Variants in NKAIN2 observed in about 807,000 individuals in gnomAD.
NKAIN2 encodes sodium/potassium transporting ATPase interacting 2.
A neutral mutation model predicts 32.6 loss-of-function variants in NKAIN2; 14 were observed. The observed-to-expected ratio is 0.43, with a 90% CI of 0.28 to 0.67. The LOEUF is 0.67. Ranked by LOEUF, NKAIN2 falls within the 30% of genes least tolerant of loss-of-function variation. NKAIN2 has a pLI of 0.17. For missense variants in NKAIN2, 198 were observed against 258.3 expected (o/e 0.77, Z 1.60); for synonymous variants, 80 against 87.2 (o/e 0.92, Z 0.46).
At chr6:124,180,090 G>A (rs1185581065) in intron 1 of NKAIN2, among the ~76,000 whole-genome samples, 1 of 152,008 alleles carries the variant, frequency 6.6e-6, no homozygotes, top group Non-Finnish European at 1.5e-5. Flanking sequence ...AGGTAGGCAT[G>A]TAAGCAAATA....
intron 5 of NKAIN2, among the ~76,000 whole-genome samples, chr6:124,805,240 C>T (rs1398538262): frequency 2.6e-5 from 4 of 152,184 alleles, no homozygotes; most frequent in African/African-American, 7.2e-5. Flanking sequence ...GGAGGCACCC[C>T]CCAGTAGGGG....
intron 3 of NKAIN2, among the ~76,000 whole-genome samples, chr6:124,389,203 A>G (rs990490269): frequency 2.1e-4 from 32 of 152,182 alleles, no homozygotes; most frequent in African/African-American, 6.7e-4. Flanking sequence ...GACTTTATAC[A>G]CAACATTATT....
chr6:124,517,916 T>G (rs1305471232), intron 3 of NKAIN2, among the ~76,000 whole-genome samples: 1 of 152,124 alleles, frequency 6.6e-6, no homozygotes, highest in African/African-American at 2.4e-5. Flanking sequence ...TAACATTTGA[T>G]TTGAAGTAAT....
At chr6:123,962,918 C>T (rs769647978) in intron 1 of NKAIN2, among the ~76,000 whole-genome samples, 5 of 152,190 alleles carry the variant, frequency 3.3e-5, no homozygotes, top group Non-Finnish European at 7.3e-5. Context: ...TTTCCAGCCA[C>T]CTGCCACTCA....
intron 4 of NKAIN2, among the ~76,000 whole-genome samples, chr6:124,670,643 T>TTG (rs756145455): frequency 4.1e-4 from 42 of 102,268 alleles, no homozygotes; most frequent in South Asian, 3.9e-3. Context: ...AATCTTTGCT[T>TTG]TCTGTGTGTG....
chr6:123,976,352 TATATATATATATATATTCCC>T lies in NKAIN2; in HGVS notation c.54+172115_54+172134del, dbSNP rs1199752104. 9.3e-4 allele frequency among the ~76,000 whole-genome samples: 25 copies of T among 26,764 alleles called. 3 individuals are homozygous for T. Among genetic ancestry groups the T allele is most frequent in the African/African-American group, 3.5e-3 (19 of 5,498 alleles). 17.6% of individuals were successfully genotyped at this position (26,764 alleles called of 152,430 possible). A position where few individuals can be genotyped will look rare whatever the true frequency, so the allele number is the denominator to read the frequency against. On this transcript the variant is annotated intron_variant, in intron 1 of 6. Transcript: ENST00000368417. ...TCCCATATATATATATGTTCCCATATATATATATATATATATTCCCATATATATATATATATATATATATA... is the reference window on the plus strand; with the variant it reads ...TCCCATATATATATATGTTCCCATATATATATATATATATATATATATATA...
rs980530923 is a variant in NKAIN2, at chr6:124,813,248, G to A, written c.536-5139G>A. Among the ~76,000 whole-genome samples, 4 of 152,204 alleles carry A rather than the reference G, an allele frequency of 2.6e-5. No homozygotes were observed. In the East Asian group the frequency reaches 7.7e-4, roughly 29 times the overall value. On this transcript the variant is annotated intron_variant, in intron 5 of 6. Coordinates refer to ENST00000368417, the MANE Select transcript of NKAIN2 (RefSeq NM_001040214.3). ...ATCACTGGCAAATTCAGCAAAGGTA[G>A]TTTCTGATAAGTTATTGTTTACATC...
At chr6:123,914,002 C>T (rs1775353736) in intron 1 of NKAIN2, among the ~76,000 whole-genome samples, 1 of 152,108 alleles carries the variant, frequency 6.6e-6, no homozygotes, top group Non-Finnish European at 1.5e-5. Context: ...TTCATCTTTA[C>T]AATAGCTCTC....
At chr6:124,805,344 T>C (rs1410962514) in intron 5 of NKAIN2, among the ~76,000 whole-genome samples, 2 of 152,184 alleles carry the variant, frequency 1.3e-5, no homozygotes, top group African/African-American at 4.8e-5. Context: ...AAAAAACCAC[T>C]GTTCTGCAGA....
chr6:124,671,697 C>T (rs74948753), intron 4 of NKAIN2, among the ~76,000 whole-genome samples: 2,194 of 152,068 alleles, frequency 0.014, 26 homozygotes, highest in Non-Finnish European at 0.021. Context: ...TTTCACCATC[C>T]CTGCACTCTC....
chr6:124,747,829 G>A (rs945948), intron 4 of NKAIN2, among the ~76,000 whole-genome samples: 149,328 of 151,804 alleles, frequency 0.98, 73,477 homozygotes, highest in South Asian at 1. Context: ...ATTAAAATAT[G>A]AAACACTCAA....
intron 1 of NKAIN2, among the ~76,000 whole-genome samples, chr6:124,118,110 G>A (rs1015911256): frequency 1.3e-5 from 2 of 152,014 alleles, no homozygotes; most frequent in Admixed American, 6.6e-5. Context: ...TGGGGATAAG[G>A]CATGATGCTA....
At chr6:124,314,600 C>G (rs1442317200) in intron 2 of NKAIN2, among the ~76,000 whole-genome samples, 2 of 152,070 alleles carry the variant, frequency 1.3e-5, no homozygotes, top group African/African-American at 4.8e-5. Flanking sequence ...CAGAGTTGTG[C>G]CAAATTGAGA....
chr6:124,153,934 C>CTTTTTTTTTTTTTTTA (rs57291995), intron 1 of NKAIN2, among the ~76,000 whole-genome samples: 1 of 146,948 alleles, frequency 6.8e-6, no homozygotes, highest in Admixed American at 6.8e-5. Context: ...TTATCTATTC[C>CTTTTTTTTTTTTTTTA]TTTTTTTTTT....
At chr6:123,833,633 A>G (rs1350279466) in intron 1 of NKAIN2, among the ~76,000 whole-genome samples, 1 of 149,114 alleles carries the variant, frequency 6.7e-6, no homozygotes, top group African/African-American at 2.5e-5. Flanking sequence ...TATATCTTTT[A>G]TAGATTTGTA....
At chr6:123,900,872 A>G (rs1774551586) in intron 1 of NKAIN2, among the ~76,000 whole-genome samples, 1 of 152,102 alleles carries the variant, frequency 6.6e-6, no homozygotes, top group African/African-American at 2.4e-5. Flanking sequence ...AGAAGATTAA[A>G]AATATTTAAA....
chr6:124,168,105 A>G (rs1305020690), intron 1 of NKAIN2, among the ~76,000 whole-genome samples: 4 of 152,184 alleles, frequency 2.6e-5, no homozygotes, highest in African/African-American at 9.6e-5. Context: ...TCAAATTAGT[A>G]TCTGTCCTGG....
chr6:123,983,554 C>T (rs947357923), intron 1 of NKAIN2, among the ~76,000 whole-genome samples: 1 of 152,056 alleles, frequency 6.6e-6, no homozygotes, highest in Non-Finnish European at 1.5e-5. Context: ...TTGACATTTT[C>T]CATATTACCA....
intron 3 of NKAIN2, among the ~76,000 whole-genome samples, chr6:124,513,206 C>G (rs905454322): frequency 6.6e-6 from 1 of 152,064 alleles, no homozygotes; most frequent in African/African-American, 2.4e-5. Flanking sequence ...TGACTAAAAG[C>G]ATGTTGGTTC....
Sources: allele counts gnomAD v4.1 joint callset (sites outside exome capture counted in the v4.1 genomes callset), GRCh38; gene constraint gnomAD v4.1.1; transcripts MANE v1.5; gene names NCBI Gene and HGNC (gene_info 2026-07-23, HGNC 2026-07-21).